Variants in GRIK4 observed in about 807,000 individuals in gnomAD.
GRIK4 encodes the protein glutamate receptor ionotropic, kainate 4.
GRIK4 carries 40 observed loss-of-function variants against 104.9 expected under a neutral mutation model. That is an observed-to-expected ratio of 0.38 (90% CI 0.30 to 0.50). GRIK4 has a LOEUF of 0.50. Among genes scored for constraint, GRIK4 ranks in the 20% least tolerant of loss-of-function variants. GRIK4 has a pLI of 0.93. For synonymous variants in GRIK4, 485 were observed against 524.9 expected, an observed-to-expected ratio of 0.92 and a Z score of 1.04; for missense variants, 1,047 against 1,308.1, an observed-to-expected ratio of 0.80 and a Z score of 3.08.
intron 3 of GRIK4, among the ~76,000 whole-genome samples, chr11:120,679,186 A>G (rs964129121): frequency 1.3e-5 from 2 of 152,290 alleles, no homozygotes; most frequent in African/African-American, 4.8e-5. Flanking sequence ...TCCATTTCAC[A>G]GATGAAAAAC....
At chr11:120,919,613 C>T (rs937781125) in intron 13 of GRIK4, among the ~76,000 whole-genome samples, 2 of 152,108 alleles carry the variant, frequency 1.3e-5, no homozygotes, top group African/African-American at 2.4e-5. Flanking sequence ...CCACTGATTC[C>T]CAATGCTGCT....
intron 8 of GRIK4, among the ~76,000 whole-genome samples, chr11:120,843,088 G>T (rs9783331): frequency 0.015 from 2,210 of 152,370 alleles, 57 homozygotes; most frequent in African/African-American, 0.05. Flanking sequence ...TAAGGGTAAA[G>T]GTCAAAAGTC....
intron 3 of GRIK4, among the ~76,000 whole-genome samples, chr11:120,726,475 G>A (rs111325384): frequency 1.7e-3 from 264 of 152,290 alleles, no homozygotes; most frequent in African/African-American, 6.2e-3. Flanking sequence ...TTGAATTAGA[G>A]ATGTATTTTG....
At position 120,967,642 on chromosome 11, in the gene GRIK4, C is replaced by A. The variant is rs141398219; in HGVS notation, c.2395+319C>A. On this transcript the variant is annotated intron_variant, in intron 19 of 20. Transcript: ENST00000527524. This position sits in a 1 kb window ranked among gnomAD's most constrained non-coding sequence, Gnocchi z 4.2. ...CTCCACACCTGTGCAGTCACAGTCG[C>A]CTGGTTTCAGTTTCCCATTCTTGCG... Among the ~76,000 whole-genome samples, 23 of 152,314 alleles carry A rather than the reference C, an allele frequency of 1.5e-4. No individual in the cohort carries two copies. Among genetic ancestry groups the A allele is most frequent in the Non-Finnish European group, 2.9e-4 (20 of 68,022 alleles).
At chr11:120,699,748 C>T (rs1450183439) in intron 3 of GRIK4, among the ~76,000 whole-genome samples, 1 of 152,142 alleles carries the variant, frequency 6.6e-6, no homozygotes, top group Non-Finnish European at 1.5e-5. Context: ...AAGAGCTGCA[C>T]ACATGTTTGG....
At chr11:120,543,833 A>T (rs753022062) in intron 1 of GRIK4, among the ~76,000 whole-genome samples, 7 of 152,270 alleles carry the variant, frequency 4.6e-5, no homozygotes, top group Non-Finnish European at 1.0e-4. Flanking sequence ...CTACCTTTGC[A>T]AAAACGTGGA....
intron 3 of GRIK4, among the ~76,000 whole-genome samples, chr11:120,668,177 A>G (rs775552520): frequency 1.3e-5 from 2 of 152,076 alleles, no homozygotes; most frequent in Non-Finnish European, 2.9e-5. Context: ...ATAGGTAGGT[A>G]GATAGAGAGG....
At chr11:120,907,012 A>T (rs1394415397) in intron 13 of GRIK4, among the ~76,000 whole-genome samples, 1 of 152,210 alleles carries the variant, frequency 6.6e-6, no homozygotes, top group East Asian at 1.9e-4. Flanking sequence ...CGAAGGCTTC[A>T]GCAGAAAGCC....
chr11:120,911,525 C>G (rs1942994547), intron 13 of GRIK4, among the ~76,000 whole-genome samples: 1 of 148,018 alleles, frequency 6.8e-6, no homozygotes, highest in African/African-American at 2.5e-5. Context: ...GCTTGAGCCA[C>G]CGCGCCCGGC....
intron 3 of GRIK4, among the ~76,000 whole-genome samples, chr11:120,735,536 T>A (rs1357449685): frequency 6.6e-6 from 1 of 152,108 alleles, no homozygotes; most frequent in Non-Finnish European, 1.5e-5. Flanking sequence ...CTGTAACCAG[T>A]ACCTGGTTAC....
chr11:120,581,876 G>A (rs1025516595), intron 1 of GRIK4, among the ~76,000 whole-genome samples: 18 of 151,022 alleles, frequency 1.2e-4, no homozygotes, highest in Non-Finnish European at 2.7e-4. Context: ...GCGTGATCTC[G>A]GCTCACTGCA....
intron 6 of GRIK4, among the ~76,000 whole-genome samples, chr11:120,821,275 G>T (rs1953120937): frequency 6.6e-6 from 1 of 152,246 alleles, no homozygotes. Flanking sequence ...TAGGCTTTGG[G>T]ATGTGGGCAG....
At chr11:120,725,063 G>C (rs1052576364) in intron 3 of GRIK4, among the ~76,000 whole-genome samples, 1 of 152,090 alleles carries the variant, frequency 6.6e-6, no homozygotes, top group Admixed American at 6.5e-5. Context: ...TATATAATTA[G>C]GGATTATGTG....
At chr11:120,882,992 T>C (rs1007012231) in intron 11 of GRIK4, among the ~76,000 whole-genome samples, 3 of 152,180 alleles carry the variant, frequency 2.0e-5, no homozygotes, top group Non-Finnish European at 2.9e-5. Context: ...CAGTGAGGCT[T>C]CCCTAATCCC....
At chr11:120,577,303 G>T (rs977413904) in intron 1 of GRIK4, among the ~76,000 whole-genome samples, 1 of 152,028 alleles carries the variant, frequency 6.6e-6, no homozygotes, top group African/African-American at 2.4e-5. Context: ...GGTTTCTGAG[G>T]GGGTGAGTGG....
At chr11:120,570,810 C>T (rs931151782) in intron 1 of GRIK4, among the ~76,000 whole-genome samples, 17 of 151,916 alleles carry the variant, frequency 1.1e-4, no homozygotes, top group African/African-American at 3.9e-4. Context: ...CCATCTGACA[C>T]CTTCCCCTCA....
chr11:120,972,350 G>C (rs1944489167), intron 19 of GRIK4, among the ~76,000 whole-genome samples: 1 of 152,222 alleles, frequency 6.6e-6, no homozygotes, highest in African/African-American at 2.4e-5. Flanking sequence ...TGCCTCAGGA[G>C]AAATCAAGTC....
At chr11:120,566,655 G>A (rs923536691) in intron 1 of GRIK4, among the ~76,000 whole-genome samples, 7 of 152,136 alleles carry the variant, frequency 4.6e-5, no homozygotes, top group Non-Finnish European at 8.8e-5. Flanking sequence ...TCAACTAAGA[G>A]GGAGAGTCTA....
intron 1 of GRIK4, among the ~76,000 whole-genome samples, chr11:120,551,464 C>G (rs1948139010): frequency 6.6e-6 from 1 of 152,162 alleles, no homozygotes; most frequent in Admixed American, 6.5e-5. Context: ...CCAGATCATA[C>G]CCTTTTTGTC....
Sources: gnomAD v4.1 joint callset for allele counts (sites outside exome capture counted in the v4.1 genomes callset) on GRCh38, gnomAD v4.1.1 for gene constraint, Gnocchi (gnomAD v3.1) non-coding constraint, MANE v1.5 for transcripts, NCBI Gene and HGNC (gene_info 2026-07-23, HGNC 2026-07-21) for gene names.